PPP1R35: variants seen among roughly 807,000 people sequenced by gnomAD.
The protein encoded by PPP1R35 is UPF0683 protein C7orf47.
Under a neutral mutation model 22.2 loss-of-function variants are expected in PPP1R35, and 23 were observed. The ratio of observed to expected loss-of-function variants is 1.04; its 90% confidence interval spans 0.75 to 1.47. PPP1R35 has a LOEUF of 1.47. Ranked by LOEUF, PPP1R35 falls within the 40% of genes most tolerant of loss-of-function variation. The pLI is 0.00. For missense variants in PPP1R35, 409 were observed against 349.6 expected (o/e 1.17, Z -1.36); for synonymous variants, 198 against 165.7 (o/e 1.19, Z -1.50).
Position 100,436,470 on chromosome 7 carries a change from C to G in PPP1R35, c.-96G>C. 1 of 894,394 alleles carries G rather than the reference C, an allele frequency of 1.1e-6. No homozygotes were observed. 55.4% of individuals were successfully genotyped at this position (894,394 alleles called of 1,614,324 possible). A position where few individuals can be genotyped will look rare whatever the true frequency, so the allele number is the denominator to read the frequency against. ...GGCTGCCGCCTCCTTTCCCCCGCCCCTCCTAGACGCCGCTACCGGAAACCG... is the reference window on the plus strand; with the variant it reads ...GGCTGCCGCCTCCTTTCCCCCGCCCGTCCTAGACGCCGCTACCGGAAACCG... On this transcript the variant is annotated 5_prime_UTR_variant, in exon 1 of 4. Coordinates refer to ENST00000292330, the MANE Select transcript of PPP1R35 (RefSeq NM_145030.4).
At chr7:100,435,560 G>T in intron 3 of PPP1R35, 27 bp from the exon 4 acceptor site, 1 of 1,614,210 alleles carries the variant, frequency 6.2e-7, no homozygotes, top group South Asian at 1.1e-5. Context: ...CCCAAAGCAA[G>T]GTTACACTTT....
At position 100,436,164 on chromosome 7, in the gene PPP1R35, C is replaced by T; in HGVS notation, c.211G>A (p.Gly71Ser). 2 of 1,236,178 alleles carry T rather than the reference C, an allele frequency of 1.6e-6. No homozygotes were observed. Among genetic ancestry groups the T allele is most frequent in the Non-Finnish European group, 2.0e-6 (2 of 993,938 alleles). 76.6% of individuals were successfully genotyped at this position (1,236,178 alleles called of 1,614,324 possible). ...ACCTGCCGCCGCTGCCGAGCCGCGCCCCGCCGCTCCGCCCGCCCCTTCCGC... is the reference window on the plus strand; with the variant it reads ...ACCTGCCGCCGCTGCCGAGCCGCGCTCCGCCGCTCCGCCCGCCCCTTCCGC... Reference protein sequence around the residue: ...GRRKGRAERRGAARQRRQVRF... With the variant: ...GRRKGRAERRSAARQRRQVRF... The change falls in exon 1 of 4, where the codon GGC becomes AGC. Residue 71 changes from glycine (G) to serine (S), a missense_variant. By Grantham distance (56) the Gly-to-Ser change is moderately conservative (BLOSUM62 0). Coordinates refer to ENST00000292330, the MANE Select transcript of PPP1R35 (RefSeq NM_145030.4).
Position 100,436,197 on chromosome 7 carries a change from G to C in PPP1R35, c.178C>G (p.Pro60Ala). 1 of 1,242,500 alleles carries C rather than the reference G, an allele frequency of 8.0e-7. No individual in the cohort carries two copies. The highest frequency in any genetic ancestry group is 4.0e-5 in the South Asian group (1 of 25,072). 77.0% of individuals were successfully genotyped at this position (1,242,500 alleles called of 1,614,324 possible). A position where few individuals can be genotyped will look rare whatever the true frequency, so the allele number is the denominator to read the frequency against. The change falls in exon 1 of 4, where the codon CCC becomes GCC. Residue 60 changes from proline (P) to alanine (A), a missense_variant. By Grantham distance (27) the Pro-to-Ala change is conservative. Coordinates refer to ENST00000292330, the MANE Select transcript of PPP1R35 (RefSeq NM_145030.4). ...TCCGCCCGCCCCTTCCGCCGCCCGG[G>C]GCTGCCGTGCCGCGGCTGAGGGCTG... Reference protein sequence around the residue: ...PDSPQPRHGSPGRRKGRAERR... With the variant: ...PDSPQPRHGSAGRRKGRAERR...
rs1026312756 is a variant in PPP1R35, at chr7:100,435,623, C to T, written c.588+8G>A. The T allele has an allele frequency of 3.1e-6, 5 of 1,613,346 alleles. No homozygotes were observed. Among genetic ancestry groups the T allele is most frequent in the East Asian group, 4.5e-5 (2 of 44,874 alleles). On this transcript the variant is annotated splice_region_variant and intron_variant, in intron 3 of 3. Transcript: ENST00000292330. ...CATGGAGGAAGCCCCACGCCCAGAC[C>T]CCATCACCTTTGGGTGCGGGGCTCG...
Position 100,435,727 on chromosome 7 carries a change from C to G in PPP1R35, c.492G>C (p.Leu164=). The part of the protein sequence containing the change: ...VPRSKRLFRD[L]VSLQVPEEQV... ...GTTCCTCCGGCACCTGCAGGCTCAC[C>G]AGGTCCCGGAAGAGCCGCTTGGAGC... is the stretch of plus-strand genomic sequence containing the variant. The change falls in exon 3 of 4, where the codon CTG becomes CTC. Residue 164 remains leucine, a synonymous_variant. Coordinates refer to ENST00000292330, the MANE Select transcript of PPP1R35 (RefSeq NM_145030.4). 3 of 1,602,870 alleles carry G rather than the reference C, an allele frequency of 1.9e-6. No homozygotes were observed. The highest frequency in any genetic ancestry group is 2.5e-6 in the Non-Finnish European group (3 of 1,177,252).
In PPP1R35 at chr7:100,435,475, T is replaced by G; in HGVS notation, c.647A>C (p.Tyr216Ser). 1 of 1,613,866 alleles carries G rather than the reference T, an allele frequency of 6.2e-7. No individual in the cohort carries two copies. Among genetic ancestry groups the G allele is most frequent in the Non-Finnish European group, 8.5e-7 (1 of 1,179,968 alleles). The change falls in exon 4 of 4, where the codon TAT (tyrosine) becomes TCT (serine). Residue 216 changes from tyrosine (Y) to serine (S), a missense_variant. Physicochemically the swap from Tyr to Ser is moderately radical, Grantham distance 144. Coordinates refer to ENST00000292330, the MANE Select transcript of PPP1R35 (RefSeq NM_145030.4). ...GTCCAGGGTCAGGTGTGGAGATTCA[T>G]AAAATAGCGTTTCTGGGTCACACAA... ...TILCDPETLF[Y>S]ESPHLTLDGL...
At position 100,435,339 on chromosome 7, in the gene PPP1R35, C is replaced by A. The variant is rs1798838845; in HGVS notation, c.*21G>T. On this transcript the variant is annotated 3_prime_UTR_variant, in exon 4 of 4. Transcript: ENST00000292330. ...AGTTTAACACAAAAATACGAACTAGCCCTCCAGGGATCTTTGGGGTCTACG... is the reference window on the plus strand; with the variant it reads ...AGTTTAACACAAAAATACGAACTAGACCTCCAGGGATCTTTGGGGTCTACG... The A allele has an allele frequency of 2.6e-6, 4 of 1,567,372 alleles. No homozygotes were observed. The highest frequency in any genetic ancestry group is 3.4e-6 in the Non-Finnish European group (4 of 1,161,200).
upstream of PPP1R35, chr7:100,436,502 C>G (rs1798900772): frequency 1.6e-6 from 1 of 617,012 alleles, no homozygotes; most frequent in Non-Finnish European, 2.5e-6. Flanking sequence ...ACCGTTAACC[C>G]TTTCCTTCGG....
At position 100,436,047 on chromosome 7, in the gene PPP1R35, C is replaced by T; in HGVS notation, c.252G>A (p.Thr84=). ...RQRRQVRFRL[T]PPSPVRSEPQ... Reference sequence around the variant, plus strand: ...GCTCGGACCGCACCGGGGAGGGCGGCGTCAGGCGGAAGCGGACCTGGGAGC... The same window carrying T: ...GCTCGGACCGCACCGGGGAGGGCGGTGTCAGGCGGAAGCGGACCTGGGAGC... Residue 84 remains threonine (T), a synonymous_variant, in exon 2 of 4, where the codon ACG becomes ACA. Coordinates refer to ENST00000292330, the MANE Select transcript of PPP1R35 (RefSeq NM_145030.4). 1.3e-6 allele frequency: 2 copies of T among 1,536,856 alleles called. No homozygotes were observed. Among genetic ancestry groups the T allele is most frequent in the Non-Finnish European group, 1.7e-6 (2 of 1,147,650 alleles).
Position 100,435,503 on chromosome 7 carries a change from T to C in PPP1R35, c.619A>G (p.Ile207Val). The C allele has an allele frequency of 1.9e-6, 3 of 1,614,072 alleles. No homozygotes were observed. The highest frequency in any genetic ancestry group is 2.5e-6 in the Non-Finnish European group (3 of 1,180,000). ...AATAGCGTTTCTGGGTCACACAAGA[T>C]GGTCATGTCTGGCCCAGGCCCAGGT... ...EPPGPGPDMT[I>V]LCDPETLFYE... Residue 207 changes from isoleucine to valine, a missense_variant, in exon 4 of 4, where the codon ATC becomes GTC. Ile to Val is a conservative substitution (Grantham distance 29). Coordinates refer to ENST00000292330, the MANE Select transcript of PPP1R35 (RefSeq NM_145030.4).
chr7:100,435,298 C>G lies in PPP1R35; in HGVS notation c.*62G>C. ...AGAGTCCCATTTATTAGCAAAATTA[C>G]TTTATTCTAACAAATAGTTTAACAC... On this transcript the variant is annotated 3_prime_UTR_variant, in exon 4 of 4. Coordinates refer to ENST00000292330, the MANE Select transcript of PPP1R35 (RefSeq NM_145030.4). 1 of 1,517,602 alleles carries G rather than the reference C, an allele frequency of 6.6e-7. No individual in the cohort carries two copies. Among genetic ancestry groups the G allele is most frequent in the East Asian group, 2.3e-5 (1 of 43,692 alleles). 94.0% of individuals were successfully genotyped at this position (1,517,602 alleles called of 1,614,324 possible). A position where few individuals can be genotyped will look rare whatever the true frequency, so the allele number is the denominator to read the frequency against.
chr7:100,435,384 C>G lies in PPP1R35; in HGVS notation c.738G>C (p.Arg246=). 1 of 1,606,688 alleles carries G rather than the reference C, an allele frequency of 6.2e-7. No individual in the cohort carries two copies. Among genetic ancestry groups the G allele is most frequent in the Non-Finnish European group, 8.5e-7 (1 of 1,177,698 alleles). Residue 246 remains arginine, a synonymous_variant, in exon 4 of 4, where the codon CGG becomes CGC. Transcript: ENST00000292330. The part of the protein sequence containing the change: ...RPSEDTFLMH[R]TLRRWEA ...TCTACGCTTCCCATCGCCTCAGTGT[C>G]CGGTGCATGAGGAAGGTGTCCTCTG...
Position 100,436,492 on chromosome 7 carries a change from A to G in PPP1R35, c.-118T>C, listed in dbSNP as rs1031459252. ...CCCCTCCTAGACGCCGCTACCGGAAACCGTTAACCCTTTCCTTCGGGGGCG... is the reference window on the plus strand; with the variant it reads ...CCCCTCCTAGACGCCGCTACCGGAAGCCGTTAACCCTTTCCTTCGGGGGCG... On this transcript the variant is annotated 5_prime_UTR_variant, in exon 1 of 4. Transcript: ENST00000292330. 43 of 708,638 alleles carry G rather than the reference A, an allele frequency of 6.1e-5. No homozygotes were observed. Among genetic ancestry groups the G allele is most frequent in the African/African-American group, 4.9e-4 (26 of 53,432 alleles). 43.9% of individuals were successfully genotyped at this position (708,638 alleles called of 1,614,324 possible). A position where few individuals can be genotyped will look rare whatever the true frequency, so the allele number is the denominator to read the frequency against.
rs1798862080 is a variant in PPP1R35, at chr7:100,435,781, G to A, written c.452-14C>T. Reference sequence around the variant, plus strand: ...GCACGTTCAGCCCTGAGAGCGCAGCGGGGACGGAGGTGAGTGGCGCGCCTC... The same window carrying A: ...GCACGTTCAGCCCTGAGAGCGCAGCAGGGACGGAGGTGAGTGGCGCGCCTC... On this transcript the variant is annotated splice_polypyrimidine_tract_variant and intron_variant, in intron 2 of 3. Transcript: ENST00000292330. 1 of 1,593,660 alleles carries A rather than the reference G, an allele frequency of 6.3e-7. No homozygotes were observed. The highest frequency in any genetic ancestry group is 8.5e-7 in the Non-Finnish European group (1 of 1,175,374).
chr7:100,435,426 T>G lies in PPP1R35; in HGVS notation c.696A>C (p.Gln232His). 6.2e-7 allele frequency: 1 copy of G among 1,611,908 alleles called. No homozygotes were observed. Residue 232 changes from glutamine to histidine, a missense_variant, in exon 4 of 4, where the codon CAA (glutamine) becomes CAC (histidine). Transcript: ENST00000292330. Reference sequence around the variant, plus strand: ...TGTCCTCTGAAGGGCGGGGCCGGAGTTGAAGTCGGAGAGGGGGCAGACCGT... The same window carrying G: ...TGTCCTCTGAAGGGCGGGGCCGGAGGTGAAGTCGGAGAGGGGGCAGACCGT... ...TLDGLPPLRL[Q>H]LRPRPSEDTF...
chr7:100,435,450 G>A lies in PPP1R35; in HGVS notation c.672C>T (p.Asp224=). Residue 224 remains aspartate, a synonymous_variant, in exon 4 of 4, where the codon GAC becomes GAT. Transcript: ENST00000292330. ...GTTGAAGTCGGAGAGGGGGCAGACC[G>A]TCCAGGGTCAGGTGTGGAGATTCAT... The part of the protein sequence containing the change: ...LFYESPHLTL[D]GLPPLRLQLR... 1 of 1,613,632 alleles carries A rather than the reference G, an allele frequency of 6.2e-7. No individual in the cohort carries two copies. The highest frequency in any genetic ancestry group is 8.5e-7 in the Non-Finnish European group (1 of 1,179,914).
rs767408562 is a variant in PPP1R35, at chr7:100,435,971, G to C, written c.328C>G (p.Leu110Val). 2 of 1,578,232 alleles carry C rather than the reference G, an allele frequency of 1.3e-6. No individual in the cohort carries two copies. The highest frequency in any genetic ancestry group is 1.3e-5 in the African/African-American group (1 of 74,422). The change falls in exon 2 of 4, where the codon CTG becomes GTG. Residue 110 changes from leucine (L) to valine (V), a missense_variant. By Grantham distance (32) the Leu-to-Val change is conservative. Transcript: ENST00000292330. ...ELEMPVLKSSLALGLELRAAA... is the reference protein window; with the variant it reads ...ELEMPVLKSSVALGLELRAAA... Reference sequence around the variant, plus strand: ...GCCCGCAGCTCCAGGCCCAAGGCCAGGCTGCTCTTCAGCACGGGCATCTCC... The same window carrying C: ...GCCCGCAGCTCCAGGCCCAAGGCCACGCTGCTCTTCAGCACGGGCATCTCC...
Position 100,435,319 on chromosome 7 carries a change from AAC to A in PPP1R35, c.*39_*40del. ...ATTACTTTATTCTAACAAATAGTTT[AAC>A]ACAAAAATACGAACTAGCCCTCCAG... On this transcript the variant is annotated 3_prime_UTR_variant, in exon 4 of 4. Transcript: ENST00000292330. The A allele has an allele frequency of 1.9e-6, 3 of 1,549,544 alleles. No individual in the cohort carries two copies.
rs1301712447 is a variant in PPP1R35, at chr7:100,436,309, C to T, written c.66G>A (p.Pro22=). 2 of 1,387,202 alleles carry T rather than the reference C, an allele frequency of 1.4e-6. No homozygotes were observed. The highest frequency in any genetic ancestry group is 9.4e-7 in the Non-Finnish European group (1 of 1,062,422). 85.9% of individuals were successfully genotyped at this position (1,387,202 alleles called of 1,614,324 possible). Residue 22 remains proline, a synonymous_variant, in exon 1 of 4, where the codon CCG becomes CCA. Transcript: ENST00000292330. ...SADGEEAAAV[P]GPPPEPQVPQ... Reference sequence around the variant, plus strand: ...GGACTTGGGGCTCCGGGGGTGGCCCCGGGACCGCCGCGGCTTCTTCCCCGT... The same window carrying T: ...GGACTTGGGGCTCCGGGGGTGGCCCTGGGACCGCCGCGGCTTCTTCCCCGT...
Sources: allele counts gnomAD v4.1 joint callset, GRCh38; gene constraint gnomAD v4.1.1; transcripts MANE v1.5; gene names NCBI Gene and HGNC (gene_info 2026-07-23, HGNC 2026-07-21).